The following ZXDC variants were observed in gnomAD, a reference collection of about 807,000 sequenced individuals.
The protein encoded by ZXDC is zinc finger protein ZXDC.
In ZXDC, 58 loss-of-function variants were observed where a neutral mutation model predicts 63.6. The ratio of observed to expected loss-of-function variants is 0.91; its 90% CI spans 0.74 to 1.13. The LOEUF (loss-of-function observed/expected upper bound fraction) is 1.13, where lower values mean the gene tolerates loss of function less well. Among genes scored for constraint, ZXDC ranks in the 50% most tolerant of loss-of-function variants. The probability of loss-of-function intolerance (pLI) is 0.00; values close to 1 mark genes in which losing one functional copy is unlikely to be tolerated. For synonymous variants in ZXDC, 561 were observed against 496.1 expected (o/e 1.13, Z -1.74); for missense variants, 1,133 against 1,148.9 (o/e 0.99, Z 0.20).
intron 5 of ZXDC, among the ~76,000 whole-genome samples, chr3:126,464,716 A>T (rs1481708491): frequency 6.6e-6 from 1 of 152,060 alleles, no homozygotes; most frequent in Non-Finnish European, 1.5e-5. Flanking sequence ...CAAACAGGGG[A>T]GAGGCCTAAG....
intron 7 of ZXDC, among the ~76,000 whole-genome samples, chr3:126,447,763 C>G (rs955755267): frequency 6.6e-6 from 1 of 152,268 alleles, no homozygotes; most frequent in African/African-American, 2.4e-5. Context: ...TGTTCGGCCT[C>G]TGTGGACCCT....
chr3:126,444,333 C>G (rs180899240), intron 7 of ZXDC, among the ~76,000 whole-genome samples: 2 of 152,140 alleles, frequency 1.3e-5, no homozygotes, highest in Non-Finnish European at 2.9e-5. Flanking sequence ...GAGATCGAGA[C>G]CATCCTGGCT....
In ZXDC at chr3:126,475,087, T is replaced by C. The variant is rs755581045; in HGVS notation, c.779A>G (p.Lys260Arg). 3.1e-6 allele frequency: 5 copies of C among 1,608,828 alleles called. No homozygotes were observed. Among genetic ancestry groups the C allele is most frequent in the African/African-American group, 1.3e-5 (1 of 74,840 alleles). Residue 260 changes from lysine (K) to arginine (R), a missense_variant, in exon 1 of 10, where the codon AAG becomes AGG. Physicochemically the swap from Lys to Arg is conservative, Grantham distance 26. Coordinates refer to ENST00000389709, the MANE Select transcript of ZXDC (RefSeq NM_025112.5). ...TTVYNLKAHM[K>R]GHEQESLFKC... Reference sequence around the variant, plus strand: ...GAACAGGCTCTCCTGCTCGTGGCCCTTCATGTGCGCCTTGAGGTTATAGAC... The same window carrying C: ...GAACAGGCTCTCCTGCTCGTGGCCCCTCATGTGCGCCTTGAGGTTATAGAC...
chr3:126,459,406 G>T, intron 7 of ZXDC: 1 of 985,398 alleles, frequency 1.0e-6, no homozygotes, highest in Non-Finnish European at 1.2e-6. Flanking sequence ...ACTGACACTG[G>T]TGTTTGAACG....
rs1316882383 is a variant in ZXDC at position 126,442,232 on chromosome 3, G to A, written c.2213-286C>T. ...CAGACACAAGCTGCAAATTCTTGGA[G>A]AGCAGAATCCTCTAACTCCAGCAGC... On this transcript the variant is annotated intron_variant, in intron 7 of 9. Coordinates refer to ENST00000389709, the MANE Select transcript of ZXDC (RefSeq NM_025112.5). 2.3e-5 allele frequency: 5 copies of A among 221,292 alleles called. No individual in the cohort carries two copies. In the South Asian group the frequency reaches 6.5e-4, roughly 29 times the overall value. 13.7% of individuals were successfully genotyped at this position (221,292 alleles called of 1,614,324 possible).
At chr3:126,445,301 C>T (rs776508310) in intron 7 of ZXDC, among the ~76,000 whole-genome samples, 1 of 152,100 alleles carries the variant, frequency 6.6e-6, no homozygotes, top group Non-Finnish European at 1.5e-5. Context: ...AAGGTGAGGA[C>T]TTTCTACGAG....
chr3:126,469,375 CACA>C (rs1934892771), intron 4 of ZXDC, among the ~76,000 whole-genome samples: 1 of 152,226 alleles, frequency 6.6e-6, no homozygotes, highest in Non-Finnish European at 1.5e-5. Context: ...GTACCAAAAA[CACA>C]ACATGTCCAA....
intron 8 of ZXDC, chr3:126,440,315 T>G: frequency 2.0e-6 from 2 of 988,726 alleles, no homozygotes; most frequent in East Asian, 2.3e-4. Context: ...CTCCTGGTGC[T>G]GCTGCTCTGC....
In ZXDC at chr3:126,438,268, GTCT is replaced by G; in HGVS notation, c.*104_*106del. On this transcript the variant is annotated 3_prime_UTR_variant, in exon 10 of 10. Coordinates refer to ENST00000389709, the MANE Select transcript of ZXDC (RefSeq NM_025112.5). ...CAAAAGTCTCAAAAGGGCTACGCTGGTCTTCTGAACGGAAACCAAATGAGGTCT... is the reference window on the plus strand; with the variant it reads ...CAAAAGTCTCAAAAGGGCTACGCTGGTCTGAACGGAAACCAAATGAGGTCT... 1.1e-6 allele frequency: 1 copy of G among 894,602 alleles called. No homozygotes were observed. Among genetic ancestry groups the G allele is most frequent in the Non-Finnish European group, 1.8e-6 (1 of 554,158 alleles). 55.4% of individuals were successfully genotyped at this position (894,602 alleles called of 1,614,324 possible). A position where few individuals can be genotyped will look rare whatever the true frequency, so the allele number is the denominator to read the frequency against.
At chr3:126,457,928 A>T (rs1336178876) in intron 7 of ZXDC, among the ~76,000 whole-genome samples, 2 of 152,226 alleles carry the variant, frequency 1.3e-5, no homozygotes, top group East Asian at 3.9e-4. Flanking sequence ...GAACCTATTA[A>T]AACAGTGATG....
At chr3:126,466,645 A>G (rs1485256603) in intron 4 of ZXDC, among the ~76,000 whole-genome samples, 1 of 152,240 alleles carries the variant, frequency 6.6e-6, no homozygotes, top group Non-Finnish European at 1.5e-5. Context: ...TTAAGTATTA[A>G]CTGCTTAAAT....
chr3:126,462,068 C>A lies in ZXDC; in HGVS notation c.1594G>T (p.Ala532Ser). Residue 532 changes from alanine to serine, a missense_variant, in exon 6 of 10, where the codon GCT becomes TCT. Coordinates refer to ENST00000389709, the MANE Select transcript of ZXDC (RefSeq NM_025112.5). Reference sequence around the variant, plus strand: ...ATAGTCAGGATTCCGGAGTTCAGAGCCTCATCCGACCCACCTGCAGAACCA... The same window carrying A: ...ATAGTCAGGATTCCGGAGTTCAGAGACTCATCCGACCCACCTGCAGAACCA... ...ASGSAGGSDE[A>S]LNSGILTIDV... is the part of the protein sequence containing the mutation. 6.2e-7 allele frequency: 1 copy of A among 1,614,110 alleles called. No individual in the cohort carries two copies. Among genetic ancestry groups the A allele is most frequent in the Non-Finnish European group, 8.5e-7 (1 of 1,180,016 alleles).
intron 7 of ZXDC, 30 bp downstream of exon 7, chr3:126,459,623 C>G (rs760560419): frequency 6.2e-7 from 1 of 1,613,928 alleles, no homozygotes; most frequent in Non-Finnish European, 8.5e-7. Context: ...CAGGCCCTTG[C>G]TCGTCCGGCT....
intron 7 of ZXDC, chr3:126,458,564 C>A (rs1361642763): frequency 1.0e-6 from 1 of 983,760 alleles, no homozygotes; most frequent in Non-Finnish European, 1.2e-6. Context: ...AAAGATAATG[C>A]TGAAATATTT....
At chr3:126,439,796 G>A in intron 8 of ZXDC, 69 bp from the exon 9 acceptor site, 5 of 1,493,144 alleles carry the variant, frequency 3.3e-6, no homozygotes, top group Non-Finnish European at 4.5e-6. Flanking sequence ...CGTCTCACCT[G>A]AGAAGTCTCC....
At chr3:126,474,571 A>G (rs1325013723) in intron 1 of ZXDC, among the ~76,000 whole-genome samples, 1 of 152,224 alleles carries the variant, frequency 6.6e-6, no homozygotes, top group Non-Finnish European at 1.5e-5. Flanking sequence ...GAATCTGGCC[A>G]CATTCATCTC....
At chr3:126,441,407 G>C (rs1933670551) in intron 8 of ZXDC, 1 of 1,067,116 alleles carries the variant, frequency 9.4e-7, no homozygotes, top group African/African-American at 1.8e-5. Flanking sequence ...TGCAGAAGAA[G>C]GGCAGGGTGG....
intron 7 of ZXDC, chr3:126,450,501 G>A (rs565146072): frequency 1.8e-5 from 8 of 456,640 alleles, no homozygotes; most frequent in African/African-American, 1.2e-4. Flanking sequence ...AAACCCACCT[G>A]GGCACCTCAT....
chr3:126,439,543 C>A, intron 9 of ZXDC, 89 bp downstream of exon 9: 3 of 1,548,100 alleles, frequency 1.9e-6, no homozygotes, highest in Non-Finnish European at 2.6e-6. Context: ...GCCTCAGTGA[C>A]CAGCCTGCAG....
Sources: gnomAD v4.1 joint callset for allele counts (sites outside exome capture counted in the v4.1 genomes callset) on GRCh38, gnomAD v4.1.1 for gene constraint, MANE v1.5 for transcripts, NCBI Gene and HGNC (gene_info 2026-07-23, HGNC 2026-07-21) for gene names.